The following SSH2 variants were observed in gnomAD, a reference collection of about 807,000 sequenced individuals.
SSH2 encodes the protein slingshot protein phosphatase 2.
In SSH2, 37 loss-of-function variants were observed where a neutral mutation model predicts 135.2. That is an observed-to-expected ratio of 0.27 (90% CI 0.21 to 0.36). The LOEUF is 0.36. Ranked by LOEUF, SSH2 falls within the 10% of genes least tolerant of loss-of-function variation. The probability of loss-of-function intolerance (pLI) is 1.00; values close to 1 mark genes in which losing one functional copy is unlikely to be tolerated. For synonymous variants in SSH2, 628 were observed against 646.2 expected, an observed-to-expected ratio of 0.97 and a Z score of 0.43; for missense variants, 1,408 against 1,765.3, an observed-to-expected ratio of 0.80 and a Z score of 3.63.
intron 1 of SSH2, among the ~76,000 whole-genome samples, chr17:29,885,556 C>T (rs2066221858): frequency 1.3e-5 from 2 of 152,190 alleles, no homozygotes; most frequent in Non-Finnish European, 2.9e-5. Context: ...TAATTTTCAG[C>T]TCCATCACAT....
chr17:29,631,708 C>G lies in SSH2; in HGVS notation c.3486G>C (p.Gln1162His). The change falls in exon 16 of 16, where the codon CAG (glutamine) becomes CAC (histidine). Residue 1162 changes from glutamine (Q) to histidine (H), a missense_variant. Transcript: ENST00000540801. ...TGAAGCCCTCCAGGTGAACCATAGT[C>G]TGGGGATGCAGGTAATCCAAACTGG... The part of the protein sequence containing the change: ...LSASLDYLHP[Q>H]TMVHLEGFTE... The G allele has an allele frequency of 1.2e-6, 2 of 1,614,186 alleles. No homozygotes were observed. Among genetic ancestry groups the G allele is most frequent in the Non-Finnish European group, 1.7e-6 (2 of 1,180,040 alleles).
At chr17:29,832,671 GT>G (rs1377091439) in intron 2 of SSH2, among the ~76,000 whole-genome samples, 4 of 151,822 alleles carry the variant, frequency 2.6e-5, no homozygotes, top group Admixed American at 6.6e-5. Context: ...TGGTTTTCCA[GT>G]TTTTTCTTTT....
At chr17:29,734,064 G>A (rs1347831509) in intron 3 of SSH2, among the ~76,000 whole-genome samples, 1 of 151,864 alleles carries the variant, frequency 6.6e-6, no homozygotes, top group African/African-American at 2.4e-5. Context: ...GACTACAGGC[G>A]CCCGCCACCA....
chr17:29,885,486 C>G (rs1469379158), intron 1 of SSH2, among the ~76,000 whole-genome samples: 1 of 152,034 alleles, frequency 6.6e-6, no homozygotes, highest in Non-Finnish European at 1.5e-5. Context: ...TGGCTGGCCC[C>G]TAGATAGCTT....
chr17:29,821,821 T>A (rs1227122608), intron 2 of SSH2, among the ~76,000 whole-genome samples: 2 of 152,158 alleles, frequency 1.3e-5, no homozygotes, highest in African/African-American at 4.8e-5. Flanking sequence ...TCTTTTTGTA[T>A]TTTTAGTAGA....
intron 14 of SSH2, among the ~76,000 whole-genome samples, chr17:29,640,172 G>A (rs897163955): frequency 7.9e-5 from 12 of 151,270 alleles, no homozygotes; most frequent in Admixed American, 4.6e-4. Flanking sequence ...TCCACTTCCC[G>A]GGTTCACGCC....
intron 3 of SSH2, among the ~76,000 whole-genome samples, chr17:29,755,561 T>C (rs891384459): frequency 2.0e-5 from 3 of 152,064 alleles, no homozygotes; most frequent in African/African-American, 7.2e-5. Context: ...ATTACCAAAA[T>C]AGATGCCCAA....
At chr17:29,719,089 G>C (rs1015020044) in intron 3 of SSH2, among the ~76,000 whole-genome samples, 77 of 152,222 alleles carry the variant, frequency 5.1e-4, no homozygotes, top group African/African-American at 1.8e-3. Context: ...AACCACTATG[G>C]ACCACCCTGG....
At chr17:29,719,026 C>T (rs2039725918) in intron 3 of SSH2, among the ~76,000 whole-genome samples, 1 of 152,066 alleles carries the variant, frequency 6.6e-6, no homozygotes, top group Non-Finnish European at 1.5e-5. Flanking sequence ...TATAGGTCAG[C>T]CCTATTTAGT....
chr17:29,707,941 C>G (rs761254004), intron 3 of SSH2, among the ~76,000 whole-genome samples: 18 of 151,854 alleles, frequency 1.2e-4, no homozygotes, highest in Non-Finnish European at 2.5e-4. Context: ...AGGTTATGAC[C>G]CCTCAGTTAT....
chr17:29,675,595 A>G (rs1250723472), intron 8 of SSH2, among the ~76,000 whole-genome samples: 1 of 152,028 alleles, frequency 6.6e-6, no homozygotes, highest in East Asian at 1.9e-4. Context: ...GGAGTTCAAG[A>G]CCAGCCTGGG....
Position 29,748,028 on chromosome 17 carries a change from A to G in SSH2, c.189-44966T>C, listed in dbSNP as rs12051789. On this transcript the variant is annotated intron_variant, in intron 3 of 15. Coordinates refer to ENST00000540801, the MANE Select transcript of SSH2 (RefSeq NM_001282129.2). ...AAAGGCAAATAGTAGTAGTTTAGAA[A>G]AAAAAAGAAATCCATTCTAGACTTA... 9.8e-4 allele frequency among the ~76,000 whole-genome samples: 150 copies of G among 152,362 alleles called. 5 individuals are homozygous for G. The East Asian group carries it at 0.025, about 26-fold the overall frequency.
At chr17:29,697,924 A>C (rs937688165) in intron 4 of SSH2, among the ~76,000 whole-genome samples, 1 of 152,258 alleles carries the variant, frequency 6.6e-6, no homozygotes. Context: ...TAATAGCAAA[A>C]AAGTGGAAAC....
At chr17:29,767,244 T>G (rs2041467930) in intron 3 of SSH2, among the ~76,000 whole-genome samples, 1 of 152,160 alleles carries the variant, frequency 6.6e-6, no homozygotes, top group Non-Finnish European at 1.5e-5. Context: ...TTTCTTCAGG[T>G]TACAAAAGCC....
At chr17:29,777,294 C>T (rs1206680748) in intron 3 of SSH2, among the ~76,000 whole-genome samples, 1 of 152,048 alleles carries the variant, frequency 6.6e-6, no homozygotes, top group Non-Finnish European at 1.5e-5. Context: ...CTTACAGCAT[C>T]TATCTAGTTC....
intron 2 of SSH2, among the ~76,000 whole-genome samples, chr17:29,832,420 G>C (rs552287375): frequency 6.6e-6 from 1 of 151,752 alleles, no homozygotes; most frequent in Admixed American, 6.6e-5. Flanking sequence ...GCGTGAGCCT[G>C]GCCCTGTTTT....
At chr17:29,669,768 T>G (rs1427227373) in intron 9 of SSH2, among the ~76,000 whole-genome samples, 3 of 152,184 alleles carry the variant, frequency 2.0e-5, no homozygotes, top group Non-Finnish European at 4.4e-5. Flanking sequence ...CTCTATCATT[T>G]GCCAGGGACT....
chr17:29,843,560 A>G (rs1031122627), intron 2 of SSH2, among the ~76,000 whole-genome samples: 7 of 136,284 alleles, frequency 5.1e-5, no homozygotes, highest in Admixed American at 1.4e-4. Flanking sequence ...CAGTCTCAAG[A>G]AAAAAAAAAA....
At chr17:29,853,212 G>A (rs765430126) in intron 1 of SSH2, among the ~76,000 whole-genome samples, 1 of 149,170 alleles carries the variant, frequency 6.7e-6, no homozygotes, top group African/African-American at 2.5e-5. Flanking sequence ...TCAGCCTCCC[G>A]AGTAGCTGGG....
Sources: allele counts gnomAD v4.1 joint callset (sites outside exome capture counted in the v4.1 genomes callset), GRCh38; gene constraint gnomAD v4.1.1; transcripts MANE v1.5; gene names NCBI Gene and HGNC (gene_info 2026-07-23, HGNC 2026-07-21).